The following HERC1 variants were observed in gnomAD, a reference collection of about 807,000 sequenced individuals.
The protein encoded by HERC1 is probable E3 ubiquitin-protein ligase HERC1.
HERC1 carries 160 observed loss-of-function variants against 554.3 expected under a neutral mutation model. The ratio of observed to expected loss-of-function variants is 0.29; its 90% CI spans 0.25 to 0.33. The LOEUF is 0.33. Among genes scored for constraint, HERC1 ranks in the 10% least tolerant of loss-of-function variants. The pLI, the probability that HERC1 is intolerant of heterozygous loss-of-function variation, is 1.00. For missense variants in HERC1, 4,919 were observed against 5,918.5 expected (o/e 0.83, Z 5.54); for synonymous variants, 2,175 against 2,131.7 (o/e 1.02, Z -0.56).
Position 63,775,065 on chromosome 15 carries a change from T to G in HERC1, c.559A>C (p.Ser187Arg), listed in dbSNP as rs561236062. The change falls in exon 2 of 78, where the codon AGT becomes CGT. Residue 187 changes from serine to arginine, a missense_variant. Around this residue, in one of 11 missense-constraint regions of HERC1, gnomAD observed 744 missense variants for 1,090.0 expected, o/e 0.68. Transcript: ENST00000443617. The surrounding 1 kb of genome is among the most constrained non-coding windows in gnomAD (Gnocchi z 4.0). ...GTATGAATGACATCGTTGCAAAGAC[T>G]GAGACCAGGTCCTGACACAGGCATC... ...WMMPVSGPGLSLCNDVIHTAI... is the reference protein window; with the variant it reads ...WMMPVSGPGLRLCNDVIHTAI... 1 of 1,614,030 alleles carries G rather than the reference T, an allele frequency of 6.2e-7. No homozygotes were observed. Among genetic ancestry groups the G allele is most frequent in the Non-Finnish European group, 8.5e-7 (1 of 1,179,880 alleles).
intron 68 of HERC1, chr15:63,632,265 C>A: frequency 5.0e-6 from 1 of 198,384 alleles, no homozygotes; most frequent in Non-Finnish European, 1.0e-5. Flanking sequence ...AATCTCAGTC[C>A]TACTGTGAAT....
At chr15:63,703,348 G>A (rs2072832914) in intron 25 of HERC1, among the ~76,000 whole-genome samples, 1 of 152,134 alleles carries the variant, frequency 6.6e-6, no homozygotes, top group African/African-American at 2.4e-5. Flanking sequence ...ACAGGCAATG[G>A]GCCCTCTCAA....
chr15:63,712,929 A>C (rs369600989), intron 23 of HERC1, 34 bp from the exon 24 acceptor site: 158 of 1,588,680 alleles, frequency 9.9e-5, no homozygotes, highest in Non-Finnish European at 1.3e-4. Context: ...AAGTTTTTTG[A>C]TTTAGGACTG....
rs185826371 is a variant in HERC1, at chr15:63,721,028, T to C, written c.3743-2131A>G. 1.8e-3 allele frequency among the ~76,000 whole-genome samples: 274 copies of C among 152,288 alleles called. 1 individual carries two copies. Among genetic ancestry groups the C allele is most frequent in the African/African-American group, 6.2e-3 (256 of 41,564 alleles). On this transcript the variant is annotated intron_variant, in intron 19 of 77. Coordinates refer to ENST00000443617, the MANE Select transcript of HERC1 (RefSeq NM_003922.4). Reference sequence around the variant, plus strand: ...CCCATACAACAAGTTTTTATTCACCTTATATCTAGTTTTTTTTTTAGTTCT... The same window carrying C: ...CCCATACAACAAGTTTTTATTCACCCTATATCTAGTTTTTTTTTTAGTTCT...
rs1360152648 is a variant in HERC1 at position 63,632,724 on chromosome 15, A to G, written c.12781T>C (p.Tyr4261His). 2.6e-6 allele frequency: 4 copies of G among 1,557,540 alleles called. No homozygotes were observed. Among genetic ancestry groups the G allele is most frequent in the Admixed American group, 3.9e-5 (2 of 51,808 alleles). Residue 4261 changes from tyrosine (Y) to histidine (H), a missense_variant, in exon 68 of 78, where the codon TAT (tyrosine) becomes CAT (histidine). By Grantham distance (83) the Tyr-to-His change is moderately conservative. Around this residue, in one of 11 missense-constraint regions of HERC1, gnomAD observed 410 missense variants for 467.0 expected, o/e 0.88. Transcript: ENST00000443617. ...SVALTKDGHV[Y>H]TFGQDRLIGL... ...AATGTCTTACCTTGACCAAAGGTATACACATGACCATCTTTGGTCAAAGCA... is the reference window on the plus strand; with the variant it reads ...AATGTCTTACCTTGACCAAAGGTATGCACATGACCATCTTTGGTCAAAGCA...
At chr15:63,748,244 T>C (rs1481638132) in intron 10 of HERC1, among the ~76,000 whole-genome samples, 1 of 151,944 alleles carries the variant, frequency 6.6e-6, no homozygotes, top group Non-Finnish European at 1.5e-5. Context: ...TATATATACA[T>C]ATATACATTA....
chr15:63,716,761 A>G (rs987645133), intron 21 of HERC1, among the ~76,000 whole-genome samples: 2 of 152,202 alleles, frequency 1.3e-5, no homozygotes, highest in South Asian at 2.1e-4. Context: ...AAATTCCTAC[A>G]GAGCTGCAAC....
chr15:63,754,478 G>C, intron 7 of HERC1, 27 bp downstream of exon 7: 1 of 1,536,332 alleles, frequency 6.5e-7, no homozygotes, highest in Non-Finnish European at 8.8e-7. Context: ...AAAAGCCAAA[G>C]CTACTGATAA....
chr15:63,800,658 C>T (rs922654672), intron 1 of HERC1, among the ~76,000 whole-genome samples: 2 of 152,178 alleles, frequency 1.3e-5, no homozygotes, highest in Non-Finnish European at 2.9e-5. Flanking sequence ...CTTCATAGCA[C>T]CTTGCATGGT....
In HERC1 at chr15:63,612,181, C is replaced by G. The variant is rs1407784896; in HGVS notation, c.14400+70G>C. On this transcript the variant is annotated intron_variant, in intron 77 of 77. Coordinates refer to ENST00000443617, the MANE Select transcript of HERC1 (RefSeq NM_003922.4). The surrounding 1 kb of genome is among the most constrained non-coding windows in gnomAD (Gnocchi z 5.0). ...CCAGCCTGGGCCACAGAGTGAGACCCTGTCTCAACAAAAACAACAATGAAG... is the reference window on the plus strand; with the variant it reads ...CCAGCCTGGGCCACAGAGTGAGACCGTGTCTCAACAAAAACAACAATGAAG... The G allele has an allele frequency of 7.4e-7, 1 of 1,353,536 alleles. No individual in the cohort carries two copies. Among genetic ancestry groups the G allele is most frequent in the Non-Finnish European group, 1.0e-6 (1 of 989,418 alleles). The allele number at this position is 1,353,536 out of a possible 1,614,324, so 83.8% of individuals were successfully genotyped here. A position where few individuals can be genotyped will look rare whatever the true frequency, so the allele number is the denominator to read the frequency against.
chr15:63,677,505 C>T lies in HERC1; in HGVS notation c.7070+340G>A, dbSNP rs1483900194. Among the ~76,000 whole-genome samples the T allele has an allele frequency of 2.0e-5, 3 of 152,150 alleles. No homozygotes were observed. The highest frequency in any genetic ancestry group is 7.2e-5 in the African/African-American group (3 of 41,418). On this transcript the variant is annotated intron_variant, in intron 37 of 77. Coordinates refer to ENST00000443617, the MANE Select transcript of HERC1 (RefSeq NM_003922.4). This position sits in a 1 kb window ranked among gnomAD's most constrained non-coding sequence, Gnocchi z 4.4. ...ATTAGCTGGCTGGCTTTTTACTATG[C>T]CAGTGTGTAACAGAAATGATCAAAA... is the stretch of plus-strand genomic sequence containing the variant.
At chr15:63,721,362 C>G (rs962877059) in intron 19 of HERC1, among the ~76,000 whole-genome samples, 2 of 152,094 alleles carry the variant, frequency 1.3e-5, no homozygotes, top group Non-Finnish European at 2.9e-5. Context: ...CCCATCTCTA[C>G]TAAAAATACA....
At chr15:63,717,395 G>C (rs1057113963) in intron 21 of HERC1, among the ~76,000 whole-genome samples, 3 of 152,148 alleles carry the variant, frequency 2.0e-5, no homozygotes, top group African/African-American at 7.2e-5. Flanking sequence ...CTAAATAATG[G>C]AGTGCAAAGC....
At chr15:63,743,263 C>CTTTTTTTTTTTTTTTTTTTTTT (rs71131177) in intron 12 of HERC1, among the ~76,000 whole-genome samples, 3 of 109,174 alleles carry the variant, frequency 2.7e-5, no homozygotes, top group Admixed American at 1.1e-4. Flanking sequence ...TTTTCTTTTT[C>CTTTTTTTTTTTTTTTTTTTTTT]TTTTTTTTTT....
chr15:63,829,561 G>GTGTGTATATATATA (rs1220043639), intron 1 of HERC1, among the ~76,000 whole-genome samples: 4 of 81,732 alleles, frequency 4.9e-5, no homozygotes, highest in Non-Finnish European at 7.1e-5. Flanking sequence ...GTGTGTGTGT[G>GTGTGTATATATATA]TATATATATA....
chr15:63,740,581 T>C (rs1299047413), intron 12 of HERC1, among the ~76,000 whole-genome samples: 1 of 152,242 alleles, frequency 6.6e-6, no homozygotes, highest in Non-Finnish European at 1.5e-5. Flanking sequence ...TCCTCCAATG[T>C]TTGCTATTAG....
At chr15:63,621,296 T>G (rs1210143443) in intron 74 of HERC1, among the ~76,000 whole-genome samples, 1 of 152,234 alleles carries the variant, frequency 6.6e-6, no homozygotes, top group African/African-American at 2.4e-5. Flanking sequence ...GAAAATTCTT[T>G]TCTTTAAGAA....
chr15:63,633,454 C>T (rs1158862014), intron 67 of HERC1, among the ~76,000 whole-genome samples: 2 of 152,092 alleles, frequency 1.3e-5, no homozygotes, highest in Non-Finnish European at 2.9e-5. Flanking sequence ...TAAAAGGAGA[C>T]GTGTACCTGT....
intron 33 of HERC1, among the ~76,000 whole-genome samples, chr15:63,687,602 A>T (rs2071848613): frequency 6.6e-6 from 1 of 152,154 alleles, no homozygotes; most frequent in Non-Finnish European, 1.5e-5. Context: ...TTTATTAAGC[A>T]TCTCTATTCT....
Sources: allele counts gnomAD v4.1 joint callset (sites outside exome capture counted in the v4.1 genomes callset), GRCh38; gene constraint gnomAD v4.1.1; regional missense constraint gnomAD v4.1.1; non-coding constraint Gnocchi (gnomAD v3.1); transcripts MANE v1.5; gene names NCBI Gene and HGNC (gene_info 2026-07-23, HGNC 2026-07-21).